FRMD3: variants seen among roughly 807,000 people sequenced by gnomAD.
FRMD3 encodes FERM domain containing 3.
A neutral mutation model predicts 70.2 loss-of-function variants in FRMD3; 33 were observed. That is an observed-to-expected ratio of 0.47 (90% CI 0.36 to 0.63). The LOEUF (loss-of-function observed/expected upper bound fraction) is 0.63. Among genes scored for constraint, FRMD3 ranks in the 20% least tolerant of loss-of-function variants. FRMD3 has a pLI of 0.00. For missense variants in FRMD3, 632 were observed against 711.4 expected, an observed-to-expected ratio of 0.89 and a Z score of 1.27; for synonymous variants, 279 against 255.9, an observed-to-expected ratio of 1.09 and a Z score of -0.86.
At chr9:83,465,128 T>C (rs575135757) in intron 1 of FRMD3, among the ~76,000 whole-genome samples, 1 of 152,290 alleles carries the variant, frequency 6.6e-6, no homozygotes, top group African/African-American at 2.4e-5. Flanking sequence ...CCCTTCATTC[T>C]GTATTTTACA....
Position 83,401,185 on chromosome 9 carries a change from G to T in FRMD3, c.148-11477C>A, listed in dbSNP as rs1037039574. ...ATTGCGTTCCCATTTTCAAGAAGAG[G>T]AAGATAAAACTTAGGGTGGCTGAAT... On this transcript the variant is annotated intron_variant, in intron 1 of 13. Transcript: ENST00000304195. Among the ~76,000 whole-genome samples, 3 of 152,224 alleles carry T rather than the reference G, an allele frequency of 2.0e-5. No individual in the cohort carries two copies. In the South Asian group the frequency reaches 6.2e-4, roughly 32 times the overall value.
At chr9:83,252,975 A>C (rs745387067) in intron 13 of FRMD3, among the ~76,000 whole-genome samples, 50 of 152,224 alleles carry the variant, frequency 3.3e-4, no homozygotes, top group Non-Finnish European at 5.4e-4. Flanking sequence ...ATGGAGAAAG[A>C]AAATTAACAA....
intron 3 of FRMD3, among the ~76,000 whole-genome samples, chr9:83,369,718 A>G (rs1225383562): frequency 6.6e-6 from 1 of 152,058 alleles, no homozygotes; most frequent in Non-Finnish European, 1.5e-5. Context: ...AATCAAGAAA[A>G]AATAACAAGA....
chr9:83,537,973 A>T lies in FRMD3; in HGVS notation c.147+112T>A. On this transcript the variant is annotated intron_variant, in intron 1 of 13. Transcript: ENST00000304195. The surrounding 1 kb of genome is among the most constrained non-coding windows in gnomAD (Gnocchi z 4.1). ...AGGAATCGAAATCTGGCTTTCTAGC[A>T]GTCCCCCAATCCCCTCCGGGAGTGG... 1.6e-6 allele frequency: 2 copies of T among 1,222,260 alleles called. No individual in the cohort carries two copies. Among genetic ancestry groups the T allele is most frequent in the Non-Finnish European group, 2.3e-6 (2 of 875,786 alleles). The allele number at this position is 1,222,260 out of a possible 1,614,324, so 75.7% of individuals were successfully genotyped here.
chr9:83,321,121 T>C (rs538400888), intron 6 of FRMD3, among the ~76,000 whole-genome samples: 4 of 150,390 alleles, frequency 2.7e-5, no homozygotes, highest in African/African-American at 9.8e-5. Context: ...GTTTATCTTT[T>C]TTCAAAACAA....
chr9:83,349,830 A>C (rs549371532), intron 3 of FRMD3, 73 bp from the exon 4 acceptor site: 2 of 1,120,266 alleles, frequency 1.8e-6, no homozygotes, highest in South Asian at 2.6e-5. Flanking sequence ...CGGGAAAGGC[A>C]GCCGTGCAGC....
At chr9:83,548,879 A>G in the FRMD3 span, among the ~76,000 whole-genome samples, 3 of 152,176 alleles carry the variant, frequency 2.0e-5, no homozygotes, top group Non-Finnish European at 4.4e-5. Flanking sequence ...TAAACCTAAA[A>G]GTGCTCTAAA....
intron 1 of FRMD3, among the ~76,000 whole-genome samples, chr9:83,463,076 G>A (rs1480234480): frequency 6.6e-6 from 1 of 152,096 alleles, no homozygotes; most frequent in Non-Finnish European, 1.5e-5. Context: ...TGATGTTCTG[G>A]GGATTCTCTG....
At chr9:83,381,729 G>T (rs1418375870) in intron 2 of FRMD3, among the ~76,000 whole-genome samples, 5 of 152,034 alleles carry the variant, frequency 3.3e-5, no homozygotes, top group Non-Finnish European at 7.4e-5. Context: ...TTAAAAAAAA[G>T]CATTTGTGTC....
chr9:83,294,904 T>C (rs533075360), intron 12 of FRMD3, among the ~76,000 whole-genome samples: 156 of 152,298 alleles, frequency 1.0e-3, no homozygotes, highest in Admixed American at 2.3e-3. Context: ...GATGTCCCAG[T>C]CAGCTTCCAC....
chr9:83,351,320 T>TCACACACACA lies in FRMD3; in HGVS notation c.296-1564_296-1563insTGTGTGTGTG, dbSNP rs769278070. On this transcript the variant is annotated intron_variant, in intron 3 of 13. Transcript: ENST00000304195. ...GATGATCTCAGCAGAGAAAAACTGA[T>TCACACACACA]CATACACACACACACACACACACAC... Among the ~76,000 whole-genome samples, 9 of 43,602 alleles carry TCACACACACA rather than the reference T, an allele frequency of 2.1e-4. No homozygotes were observed. In the East Asian group the frequency reaches 5.2e-3, roughly 25 times the overall value. The allele number at this position is 43,602 out of a possible 152,430, so 28.6% of individuals were successfully genotyped here. A position where few individuals can be genotyped will look rare whatever the true frequency, so the allele number is the denominator to read the frequency against.
chr9:83,562,355 C>T, the FRMD3 span, among the ~76,000 whole-genome samples: 1 of 152,110 alleles, frequency 6.6e-6, no homozygotes, highest in African/African-American at 2.4e-5. Context: ...GATGGAGATG[C>T]GAGAAGCTGA....
chr9:83,534,695 T>A (rs7849075), intron 1 of FRMD3, among the ~76,000 whole-genome samples: 1 of 152,018 alleles, frequency 6.6e-6, no homozygotes, highest in Non-Finnish European at 1.5e-5. Flanking sequence ...AAGGACACAG[T>A]GTATCAAACC....
At chr9:83,319,006 T>C (rs1434871220) in intron 6 of FRMD3, among the ~76,000 whole-genome samples, 4 of 152,162 alleles carry the variant, frequency 2.6e-5, no homozygotes, top group Admixed American at 6.5e-5. Flanking sequence ...GTTTTTTTTC[T>C]TGTTGAGTTG....
At chr9:83,396,920 T>C (rs1825824849) in intron 1 of FRMD3, among the ~76,000 whole-genome samples, 1 of 152,220 alleles carries the variant, frequency 6.6e-6, no homozygotes, top group South Asian at 2.1e-4. Context: ...ACAGTAATGC[T>C]GGTGTGAAAC....
the FRMD3 span, among the ~76,000 whole-genome samples, chr9:83,565,087 A>G: frequency 1.3e-5 from 2 of 152,214 alleles, no homozygotes; most frequent in East Asian, 3.9e-4. Flanking sequence ...TCATTAATCC[A>G]GAGAGCCCAT....
chr9:83,445,492 T>C (rs1375019692), intron 1 of FRMD3, among the ~76,000 whole-genome samples: 3 of 152,188 alleles, frequency 2.0e-5, no homozygotes, highest in Non-Finnish European at 4.4e-5. Context: ...CACCACACTC[T>C]AGTCTCAGCT....
intron 12 of FRMD3, chr9:83,297,689 T>G: frequency 2.1e-6 from 1 of 468,470 alleles, no homozygotes; most frequent in Non-Finnish European, 4.4e-6. Flanking sequence ...GGAGCCAAGA[T>G]TCTCCAGCTT....
chr9:83,423,585 CTTTTTTTT>C (rs869226126), intron 1 of FRMD3, among the ~76,000 whole-genome samples: 9 of 60,480 alleles, frequency 1.5e-4, no homozygotes, highest in Admixed American at 4.3e-4. Flanking sequence ...AGCCCTGTTT[CTTTTTTTT>C]TTTTTTTTTT....
Sources: gnomAD v4.1 joint callset for allele counts (sites outside exome capture counted in the v4.1 genomes callset) on GRCh38, gnomAD v4.1.1 for gene constraint, Gnocchi (gnomAD v3.1) non-coding constraint, MANE v1.5 for transcripts, NCBI Gene and HGNC (gene_info 2026-07-23, HGNC 2026-07-21) for gene names.